The following PLB1 variants were observed in gnomAD, a reference collection of about 807,000 sequenced individuals.
PLB1 encodes phospholipase B1, membrane-associated.
PLB1 carries 242 observed loss-of-function variants against 227.4 expected under a neutral mutation model. That is an observed-to-expected ratio of 1.06 (90% confidence interval 0.96 to 1.18). The LOEUF (loss-of-function observed/expected upper bound fraction) is 1.18, where lower values mean the gene tolerates loss of function less well. Among genes scored for constraint, PLB1 ranks in the 50% most tolerant of loss-of-function variants. The probability of loss-of-function intolerance (pLI) is 0.00; values close to 1 mark genes in which losing one functional copy is unlikely to be tolerated. For missense variants in PLB1, 1,858 were observed against 1,816.3 expected (o/e 1.02, Z -0.42); for synonymous variants, 757 against 682.2 (o/e 1.11, Z -1.71).
intron 1 of PLB1, among the ~76,000 whole-genome samples, chr2:28,512,651 A>T (rs189546199): frequency 2.5e-3 from 376 of 150,350 alleles, no homozygotes; most frequent in African/African-American, 8.7e-3. Context: ...TGTGCAGCTA[A>T]CCACTGATGT....
intron 21 of PLB1, among the ~76,000 whole-genome samples, chr2:28,573,932 G>C (rs1343603514): frequency 6.6e-6 from 1 of 152,234 alleles, no homozygotes; most frequent in Non-Finnish European, 1.5e-5. Context: ...CAGTAATGCA[G>C]CAAGGTGGCA....
intron 56 of PLB1, among the ~76,000 whole-genome samples, chr2:28,635,535 T>C (rs1558973976): frequency 1.5e-5 from 2 of 129,484 alleles, no homozygotes; most frequent in Non-Finnish European, 3.8e-5. Flanking sequence ...TAAGCACATA[T>C]ATACCCGGTG....
intron 50 of PLB1, among the ~76,000 whole-genome samples, 180 bp downstream of exon 50, chr2:28,625,288 G>A (rs1215358908): frequency 6.6e-6 from 1 of 152,236 alleles, no homozygotes; most frequent in East Asian, 1.9e-4. Flanking sequence ...CTAGACGCAG[G>A]CTGTGGCACC....
In PLB1 at chr2:28,641,682, ATAG is replaced by A. The variant is rs1315617314; in HGVS notation, c.4173+682_4173+684del. On this transcript the variant is annotated intron_variant, in intron 57 of 57. Transcript: ENST00000327757. ...CTGGGGATCGGGAGGCAAAGATAAA[ATAG>A]ACTCAGTGTCTGTTCCTGGAGCCTG... Among the ~76,000 whole-genome samples, 5 of 152,222 alleles carry A rather than the reference ATAG, an allele frequency of 3.3e-5. No individual in the cohort carries two copies. The South Asian group carries it at 1.0e-3, about 32-fold the overall frequency.
chr2:28,636,065 A>G (rs888888701), intron 56 of PLB1, among the ~76,000 whole-genome samples: 60 of 102,914 alleles, frequency 5.8e-4, no homozygotes, highest in South Asian at 2.5e-3. Context: ...GTGTGTATGT[A>G]TGTATGTATG....
intron 26 of PLB1, among the ~76,000 whole-genome samples, chr2:28,589,208 C>T (rs1681448713): frequency 6.6e-6 from 1 of 152,072 alleles, no homozygotes; most frequent in South Asian, 2.1e-4. Context: ...CTTACCTTTC[C>T]CTTTTCACAG....
chr2:28,588,931 C>T (rs996552706), intron 26 of PLB1, among the ~76,000 whole-genome samples: 6 of 151,884 alleles, frequency 4.0e-5, no homozygotes, highest in Non-Finnish European at 7.4e-5. Context: ...TTTGGGAGGC[C>T]GAGGCGGGTG....
At chr2:28,511,708 C>T (rs549914761) in intron 1 of PLB1, among the ~76,000 whole-genome samples, 12 of 151,932 alleles carry the variant, frequency 7.9e-5, no homozygotes, top group South Asian at 2.1e-4. Context: ...TCCTACTTAA[C>T]GTTCTTTCAG....
intron 33 of PLB1, chr2:28,595,818 G>A (rs541339892): frequency 3.9e-5 from 6 of 152,060 alleles, no homozygotes; most frequent in South Asian, 4.2e-4. Context: ...GGAATTAGGG[G>A]AGAAGTAGAC....
In PLB1 at chr2:28,623,257, G is replaced by C. The variant is rs187383575; in HGVS notation, c.3528-1800G>C. Reference sequence around the variant, plus strand: ...TGAAAGTAGAACCACTGGTCCCTGGGGTAAAAAAGGAAATGCAAGATGTGT... The same window carrying C: ...TGAAAGTAGAACCACTGGTCCCTGGCGTAAAAAAGGAAATGCAAGATGTGT... On this transcript the variant is annotated intron_variant, in intron 49 of 57. Coordinates refer to ENST00000327757, the MANE Select transcript of PLB1 (RefSeq NM_153021.5). Among the ~76,000 whole-genome samples, 3 of 152,286 alleles carry C rather than the reference G, an allele frequency of 2.0e-5. No individual in the cohort carries two copies. The East Asian group carries it at 5.8e-4, about 29-fold the overall frequency.
At chr2:28,555,141 C>CTGT (rs1674854745) in intron 17 of PLB1, among the ~76,000 whole-genome samples, 4 of 120,234 alleles carry the variant, frequency 3.3e-5, no homozygotes, top group Non-Finnish European at 4.9e-5. Flanking sequence ...TGCCAGTGAT[C>CTGT]TTTTTTTTTT....
In PLB1 at chr2:28,574,549, A is replaced by AT. The variant is rs55675067; in HGVS notation, c.1433+1271dup. Among the ~76,000 whole-genome samples the AT allele has an allele frequency of 2.5e-3, 326 of 130,126 alleles. 1 individual carries two copies. Among genetic ancestry groups the AT allele is most frequent in the South Asian group, 5.8e-3 (23 of 3,938 alleles). The allele number at this position is 130,126 out of a possible 152,430, so 85.4% of individuals were successfully genotyped here. ...AGGCACACATCACCATTCCCGGCTA[A>AT]TTTTTTTTTTTTTTTTTTTTTTTTT... On this transcript the variant is annotated intron_variant, in intron 21 of 57. Transcript: ENST00000327757.
intron 55 of PLB1, 96 bp downstream of exon 55, chr2:28,632,236 A>G: frequency 1.2e-6 from 1 of 863,286 alleles, no homozygotes; most frequent in Admixed American, 2.5e-5. Flanking sequence ...TTTTTTTTTA[A>G]CCATCTCTCT....
At chr2:28,568,628 G>A (rs1205883753) in intron 20 of PLB1, among the ~76,000 whole-genome samples, 2 of 152,200 alleles carry the variant, frequency 1.3e-5, no homozygotes, top group Non-Finnish European at 2.9e-5. Context: ...TGGAAAATAG[G>A]AGAACAGTGC....
chr2:28,600,258 C>T (rs985365594), intron 35 of PLB1, among the ~76,000 whole-genome samples: 3 of 152,086 alleles, frequency 2.0e-5, no homozygotes, highest in African/African-American at 7.2e-5. Context: ...ATATGATTCC[C>T]TACCTCTTTT....
intron 9 of PLB1, 52 bp from the exon 10 acceptor site, chr2:28,538,267 C>T (rs1028643682): frequency 1.2e-6 from 2 of 1,613,118 alleles, no homozygotes; most frequent in Non-Finnish European, 1.7e-6. Flanking sequence ...GGTGGCCTCA[C>T]CTCGTGGTCC....
intron 1 of PLB1, among the ~76,000 whole-genome samples, chr2:28,496,777 G>T (rs1277734063): frequency 1.3e-5 from 2 of 152,098 alleles, no homozygotes; most frequent in South Asian, 2.1e-4. Flanking sequence ...ATCCCTCTCT[G>T]CCCCTCTTCT....
chr2:28,555,141 CTT>C (rs3041204), intron 17 of PLB1, among the ~76,000 whole-genome samples: 194 of 120,192 alleles, frequency 1.6e-3, no homozygotes, highest in African/African-American at 5.9e-3. Context: ...TGCCAGTGAT[CTT>C]TTTTTTTTTT....
chr2:28,507,295 A>G (rs867851489), intron 1 of PLB1, among the ~76,000 whole-genome samples: 57 of 152,250 alleles, frequency 3.7e-4, no homozygotes, highest in African/African-American at 1.3e-3. Flanking sequence ...AGACTGGGTC[A>G]TTTATAATGA....
Sources: allele counts gnomAD v4.1 joint callset (sites outside exome capture counted in the v4.1 genomes callset), GRCh38; gene constraint gnomAD v4.1.1; transcripts MANE v1.5; gene names NCBI Gene and HGNC (gene_info 2026-07-23, HGNC 2026-07-21).